Variants in TNFRSF8 observed in about 807,000 individuals in gnomAD.
TNFRSF8 encodes tumor necrosis factor receptor superfamily member 8.
TNFRSF8 carries 26 observed loss-of-function variants against 70.8 expected under a neutral mutation model. That is an observed-to-expected ratio of 0.37 (90% CI 0.27 to 0.51). TNFRSF8 has a LOEUF of 0.51. TNFRSF8 is among the 20% of genes least tolerant of loss of function. The pLI is 0.94. For synonymous variants in TNFRSF8, 356 were observed against 339.2 expected, an observed-to-expected ratio of 1.05 and a Z score of -0.54; for missense variants, 720 against 807.9, an observed-to-expected ratio of 0.89 and a Z score of 1.32.
intron 12 of TNFRSF8, among the ~76,000 whole-genome samples, chr1:12,133,647 G>A (rs1429523486): frequency 6.6e-6 from 1 of 151,412 alleles, no homozygotes; most frequent in Admixed American, 6.6e-5. Context: ...GGCTGAGGCA[G>A]GAGAATCGCT....
intron 1 of TNFRSF8, among the ~76,000 whole-genome samples, chr1:12,067,178 C>T (rs1640757064): frequency 6.6e-6 from 1 of 152,194 alleles, no homozygotes; most frequent in Admixed American, 6.6e-5. Context: ...CCATCCTTTT[C>T]ATCCAGGCAC....
chr1:12,124,038 C>G (rs1253547606), intron 10 of TNFRSF8, among the ~76,000 whole-genome samples: 1 of 152,220 alleles, frequency 6.6e-6, no homozygotes, highest in Non-Finnish European at 1.5e-5. Flanking sequence ...CAGTCTCACT[C>G]TGTTGCTCAG....
intron 1 of TNFRSF8, among the ~76,000 whole-genome samples, chr1:12,079,348 C>T (rs1164727636): frequency 6.6e-6 from 1 of 152,216 alleles, no homozygotes; most frequent in African/African-American, 2.4e-5. Flanking sequence ...TTGCCTTGAA[C>T]CTGCGGGGAA....
At chr1:12,128,052 T>C (rs535062103) in intron 12 of TNFRSF8, among the ~76,000 whole-genome samples, 1 of 152,278 alleles carries the variant, frequency 6.6e-6, no homozygotes, top group South Asian at 2.1e-4. Flanking sequence ...CGGGTGAGAA[T>C]GGACCGAGCT....
At chr1:12,137,038 C>G (rs529456957) in intron 13 of TNFRSF8, among the ~76,000 whole-genome samples, 34 of 151,806 alleles carry the variant, frequency 2.2e-4, no homozygotes, top group African/African-American at 8.2e-4. Flanking sequence ...AGGGCCCTGC[C>G]GCCTTCCGCA....
At chr1:12,102,235 C>T (rs899317672) in intron 3 of TNFRSF8, among the ~76,000 whole-genome samples, 19 of 152,178 alleles carry the variant, frequency 1.2e-4, no homozygotes, top group Admixed American at 3.3e-4. Context: ...TGAAACCCAC[C>T]TCTGAGGGCA....
At chr1:12,118,568 G>A (rs549056482) in intron 8 of TNFRSF8, among the ~76,000 whole-genome samples, 8 of 152,200 alleles carry the variant, frequency 5.3e-5, no homozygotes, top group Non-Finnish European at 1.2e-4. Flanking sequence ...CATTAAATTC[G>A]TGTCTGCAGA....
rs150215631 is a variant in TNFRSF8 at position 12,069,443 on chromosome 1, G to A, written c.63+5782G>A. Among the ~76,000 whole-genome samples the A allele has an allele frequency of 3.9e-3, 585 of 151,862 alleles. 4 individuals carry two copies. The highest frequency in any genetic ancestry group is 0.013 in the African/African-American group (556 of 41,412). On this transcript the variant is annotated intron_variant, in intron 1 of 14. Coordinates refer to ENST00000263932, the MANE Select transcript of TNFRSF8 (RefSeq NM_001243.5). ...AGCCCCCCCGCCTCAGCCTCCCAAA[G>A]TGCTGGGAATACAGGGGTGAGCCAC...
intron 4 of TNFRSF8, among the ~76,000 whole-genome samples, chr1:12,106,641 G>T (rs144148679): frequency 6.6e-6 from 1 of 152,138 alleles, no homozygotes; most frequent in South Asian, 2.1e-4. Context: ...CCGAGCTGGT[G>T]GGGGGGTGGA....
At chr1:12,139,860 T>C (rs1280651550) in intron 14 of TNFRSF8, among the ~76,000 whole-genome samples, 4 of 152,230 alleles carry the variant, frequency 2.6e-5, no homozygotes, top group African/African-American at 4.8e-5. Context: ...GGTCTGGAAC[T>C]CCTGGCCTCA....
chr1:12,100,647 G>A (rs1356112254), intron 3 of TNFRSF8, among the ~76,000 whole-genome samples: 3 of 151,944 alleles, frequency 2.0e-5, no homozygotes, highest in African/African-American at 4.8e-5. Flanking sequence ...CAGAATCACC[G>A]TCTTCCTCCT....
At chr1:12,101,817 A>G (rs886589471) in intron 3 of TNFRSF8, among the ~76,000 whole-genome samples, 3 of 152,092 alleles carry the variant, frequency 2.0e-5, no homozygotes, top group Admixed American at 6.5e-5. Context: ...GATTACAGGC[A>G]TGCGCCACCA....
At chr1:12,125,769 T>C in intron 10 of TNFRSF8, 182 bp from the exon 11 acceptor site, 1 of 645,644 alleles carries the variant, frequency 1.5e-6, no homozygotes, top group South Asian at 1.8e-5. Context: ...CAATAGTTGA[T>C]CAGCTTCCTG....
At position 12,142,011 on chromosome 1, in the gene TNFRSF8, C is replaced by T. The variant is rs1642261865; in HGVS notation, c.1544-276C>T. Reference sequence around the variant, plus strand: ...TGTCCACAGTTTGCTTTCTGTCCCACCCTGTCCTCTTCTTCCCTACCCATC... The same window carrying T: ...TGTCCACAGTTTGCTTTCTGTCCCATCCTGTCCTCTTCTTCCCTACCCATC... On this transcript the variant is annotated intron_variant, in intron 14 of 14. Transcript: ENST00000263932. The surrounding 1 kb of genome is among the most constrained non-coding windows in gnomAD (Gnocchi z 5.0). Among the ~76,000 whole-genome samples, 1 of 152,210 alleles carries T rather than the reference C, an allele frequency of 6.6e-6. No individual in the cohort carries two copies. The highest frequency in any genetic ancestry group is 2.4e-5 in the African/African-American group (1 of 41,446).
At chr1:12,126,099 T>C (rs1301121326) in intron 11 of TNFRSF8, 47 bp downstream of exon 11, 1 of 1,611,840 alleles carries the variant, frequency 6.2e-7, no homozygotes, top group Non-Finnish European at 8.5e-7. Flanking sequence ...GGTTGCTCTC[T>C]GCCAGCCTGG....
intron 8 of TNFRSF8, 48 bp from the exon 9 acceptor site, chr1:12,123,236 C>T (rs1307944708): frequency 1.3e-6 from 2 of 1,525,394 alleles, no homozygotes; most frequent in African/African-American, 1.4e-5. Flanking sequence ...TTCCTGGAGA[C>T]ACCAGCCTCC....
intron 1 of TNFRSF8, among the ~76,000 whole-genome samples, chr1:12,079,711 G>C (rs748639023): frequency 2.0e-5 from 3 of 151,202 alleles, no homozygotes; most frequent in African/African-American, 4.9e-5. Context: ...AGAGGCACAG[G>C]CTGGCCATCC....
In TNFRSF8 at chr1:12,095,943, A is replaced by T. The variant is rs1641324034; in HGVS notation, c.152-1158A>T. ...TTCTTAGGCAAGTCCTGCCCACACC[A>T]TGCCCACGCTCAGGCTGTGATGACC... On this transcript the variant is annotated intron_variant, in intron 2 of 14. Transcript: ENST00000263932. 2.6e-5 allele frequency among the ~76,000 whole-genome samples: 4 copies of T among 152,174 alleles called. No individual in the cohort carries two copies. In the South Asian group the frequency reaches 8.3e-4, roughly 31 times the overall value.
chr1:12,070,317 C>T (rs1640820297), intron 1 of TNFRSF8, among the ~76,000 whole-genome samples: 1 of 151,336 alleles, frequency 6.6e-6, no homozygotes, highest in Admixed American at 6.6e-5. Flanking sequence ...GTGGTGTGAT[C>T]TCGGCTCACT....
Sources: gnomAD v4.1 joint callset for allele counts (sites outside exome capture counted in the v4.1 genomes callset) on GRCh38, gnomAD v4.1.1 for gene constraint, Gnocchi (gnomAD v3.1) non-coding constraint, MANE v1.5 for transcripts, NCBI Gene and HGNC (gene_info 2026-07-23, HGNC 2026-07-21) for gene names.